The following SEMA6C variants were observed in gnomAD, a reference collection of about 807,000 sequenced individuals.
The protein encoded by SEMA6C is semaphorin-6C.
Under a neutral mutation model 72.9 loss-of-function variants are expected in SEMA6C, and 37 were observed. That is an observed-to-expected ratio of 0.51 (90% CI 0.39 to 0.67). The LOEUF (loss-of-function observed/expected upper bound fraction) is 0.67. Ranked by LOEUF, SEMA6C falls within the 30% of genes least tolerant of loss-of-function variation. The probability of loss-of-function intolerance (pLI) is 0.00; values close to 1 mark genes in which losing one functional copy is unlikely to be tolerated. For synonymous variants in SEMA6C, 578 were observed against 554.1 expected, an observed-to-expected ratio of 1.04 and a Z score of -0.61; for missense variants, 1,189 against 1,263.6, an observed-to-expected ratio of 0.94 and a Z score of 0.89.
In SEMA6C at chr1:151,136,496, A is replaced by G. The variant is rs200498855; in HGVS notation, c.1058T>C (p.Leu353Pro). ...AGACACAGGAGTCCAGGCCCCATCC[A>G]GACTCCTCTGCTCCTTGAACTTGCC... ...FEGKFKEQRS[L>P]DGAWTPVSED... The change falls in exon 12 of 19, where the codon CTG (leucine) becomes CCG (proline). Residue 353 changes from leucine (L) to proline (P), a missense_variant. Leu to Pro is a moderately conservative substitution (Grantham distance 98, BLOSUM62 -3). Around this residue, in one of 2 missense-constraint regions of SEMA6C, gnomAD observed 468 missense variants for 577.4 expected, o/e 0.81. Transcript: ENST00000368914. 1.1e-5 allele frequency: 17 copies of G among 1,613,968 alleles called. No homozygotes were observed. The highest frequency in any genetic ancestry group is 1.4e-5 in the Non-Finnish European group (16 of 1,180,022).
chr1:151,132,563 G>A lies in SEMA6C; in HGVS notation c.2714C>T (p.Pro905Leu). Residue 905 changes from proline to leucine, a missense_variant, in exon 19 of 19, where the codon CCC becomes CTC. By Grantham distance (98) the Pro-to-Leu change is moderately conservative. This residue lies in a region of SEMA6C where 721 missense variants were observed against 686.2 expected (regional missense o/e 1.05). Transcript: ENST00000368914. The stretch of plus-strand genomic sequence containing the variant: ...GAGGGGAGGCTTCAGGGACAACTGG[G>A]GCTTCTCGACGTCCACCCTTTTCAG... ...RALKRVDVEK[P>L]QLSLKPPLVG... 2 of 1,551,508 alleles carry A rather than the reference G, an allele frequency of 1.3e-6. No individual in the cohort carries two copies. Among genetic ancestry groups the A allele is most frequent in the Non-Finnish European group, 8.7e-7 (1 of 1,147,302 alleles).
rs1468348046 is a variant in SEMA6C at position 151,139,990 on chromosome 1, C to G, written c.219G>C (p.Leu73Phe). The G allele has an allele frequency of 6.2e-7, 1 of 1,614,130 alleles. No homozygotes were observed. The highest frequency in any genetic ancestry group is 1.3e-5 in the African/African-American group (1 of 75,046). Residue 73 changes from leucine to phenylalanine, a missense_variant, in exon 4 of 19, where the codon TTG becomes TTC. Transcript: ENST00000368914. ...GGCCAGTTTACCGGGCAGCCACTAGCAAGGTCCGGTTCAAGGTCAGGAATC... is the reference window on the plus strand; with the variant it reads ...GGCCAGTTTACCGGGCAGCCACTAGGAAGGTCCGGTTCAAGGTCAGGAATC... ...FQRFLTLNRT[L>F]LVAARDHVFS...
chr1:151,140,072 C>A lies in SEMA6C; in HGVS notation c.137G>T (p.Trp46Leu). The A allele has an allele frequency of 2.5e-6, 4 of 1,614,052 alleles. No individual in the cohort carries two copies. The highest frequency in any genetic ancestry group is 2.5e-6 in the Non-Finnish European group (3 of 1,179,982). The change falls in exon 4 of 19, where the codon TGG becomes TTG. Residue 46 changes from tryptophan to leucine, a missense_variant. This residue lies in a region of SEMA6C where 468 missense variants were observed against 577.4 expected (regional missense o/e 0.81). Coordinates refer to ENST00000368914, the MANE Select transcript of SEMA6C (RefSeq NM_030913.6). ...SDLQGTSPLS[W>L]FRGLEDDAVA... is the part of the protein sequence containing the mutation. ...AGCATCATCCTCCAGGCCCCGAAAC[C>A]AGGATAATGGGGAAGTACCTTGAGG... is the stretch of plus-strand genomic sequence containing the variant.
chr1:151,136,405 C>CA (rs763055162), intron 12 of SEMA6C, 43 bp downstream of exon 12: 2 of 1,600,520 alleles, frequency 1.2e-6, no homozygotes, highest in Admixed American at 1.8e-5. Flanking sequence ...GGGGCAGACG[C>CA]TGCTTGCTTC....
chr1:151,135,072 G>A (rs1409646424), intron 15 of SEMA6C, 91 bp downstream of exon 15: 4 of 1,556,186 alleles, frequency 2.6e-6, no homozygotes, highest in Non-Finnish European at 3.5e-6. Flanking sequence ...CATCCCCTGT[G>A]TTTTCCTGCC....
chr1:151,138,942 A>C (rs1682284041), intron 6 of SEMA6C, among the ~76,000 whole-genome samples: 1 of 152,056 alleles, frequency 6.6e-6, no homozygotes, highest in Non-Finnish European at 1.5e-5. Flanking sequence ...AAATACAAAA[A>C]ATTAGCTGGG....
At chr1:151,135,856 C>G in intron 13 of SEMA6C, 92 bp from the exon 14 acceptor site, 1 of 1,517,648 alleles carries the variant, frequency 6.6e-7, no homozygotes, top group Non-Finnish European at 9.0e-7. Context: ...TGTGCCTGTG[C>G]CCTTCCCCCA....
Position 151,132,012 on chromosome 1 carries a change from A to C in SEMA6C, c.*472T>G. The stretch of plus-strand genomic sequence containing the variant: ...GAGCGAGGGCGCCCAGAGCGAGCCG[A>C]CCGACTGCCGCCCTCCCCCGCCCGA... On this transcript the variant is annotated 3_prime_UTR_variant, in exon 19 of 19. Transcript: ENST00000368914. 1 of 340,598 alleles carries C rather than the reference A, an allele frequency of 2.9e-6. No individual in the cohort carries two copies. Among genetic ancestry groups the C allele is most frequent in the Non-Finnish European group, 5.5e-6 (1 of 182,776 alleles). The allele number at this position is 340,598 out of a possible 1,614,324, so 21.1% of individuals were successfully genotyped here.
Position 151,135,641 on chromosome 1 carries a change from C to T in SEMA6C, c.1383G>A (p.Gly461=), listed in dbSNP as rs779841482. 1 of 1,614,214 alleles carries T rather than the reference C, an allele frequency of 6.2e-7. No homozygotes were observed. The highest frequency in any genetic ancestry group is 8.5e-7 in the Non-Finnish European group (1 of 1,180,024). ...LKVLTPGGRS[G]GPEPILLEEI... Reference sequence around the variant, plus strand: ...CTTCCAGGAGGATGGGCTCAGGTCCCCCGGATCGCCCACCTGGGGTCAGCA... The same window carrying T: ...CTTCCAGGAGGATGGGCTCAGGTCCTCCGGATCGCCCACCTGGGGTCAGCA... The change falls in exon 14 of 19, where the codon GGG becomes GGA. Residue 461 remains glycine, a synonymous_variant. Coordinates refer to ENST00000368914, the MANE Select transcript of SEMA6C (RefSeq NM_030913.6).
chr1:151,136,293 G>T, intron 12 of SEMA6C, 130 bp from the exon 13 acceptor site: 1 of 1,471,002 alleles, frequency 6.8e-7, no homozygotes, highest in South Asian at 1.3e-5. Context: ...TCGTAGCACT[G>T]TCCCCTTCCC....
chr1:151,134,359 G>A (rs1172222175), intron 18 of SEMA6C, 42 bp downstream of exon 18: 2 of 1,534,326 alleles, frequency 1.3e-6, no homozygotes, highest in East Asian at 4.8e-5. Context: ...TCAGGTATGT[G>A]GGCTGAGCAA....
Position 151,132,370 on chromosome 1 carries a change from T to C in SEMA6C, c.*114A>G. On this transcript the variant is annotated 3_prime_UTR_variant, in exon 19 of 19. Transcript: ENST00000368914. The stretch of plus-strand genomic sequence containing the variant: ...AAGGGGCCTCGGGAGACTCTGCGAG[T>C]CGGGAAGGCTGGAGGTGCGGGGCGA... The C allele has an allele frequency of 5.2e-6, 8 of 1,531,598 alleles. No individual in the cohort carries two copies. Among genetic ancestry groups the C allele is most frequent in the Non-Finnish European group, 7.0e-6 (8 of 1,137,400 alleles). The allele number at this position is 1,531,598 out of a possible 1,614,324, so 94.9% of individuals were successfully genotyped here.
Position 151,141,730 on chromosome 1 carries a change from G to C in SEMA6C, c.118+774C>G, listed in dbSNP as rs587656643. ...CCCAGCTGACTTTTTTTTTTTAATC[G>C]GCTTTTTTTTTTTTTTTAAAGAGAT... On this transcript the variant is annotated intron_variant, in intron 3 of 18. Transcript: ENST00000368914. Among the ~76,000 whole-genome samples, 523 of 120,442 alleles carry C rather than the reference G, an allele frequency of 4.3e-3. 10 individuals are homozygous for C. Among genetic ancestry groups the C allele is most frequent in the African/African-American group, 0.015 (487 of 33,310 alleles). The allele number at this position is 120,442 out of a possible 152,430, so 79.0% of individuals were successfully genotyped here. A position where few individuals can be genotyped will look rare whatever the true frequency, so the allele number is the denominator to read the frequency against.
Position 151,135,650 on chromosome 1 carries a change from C to A in SEMA6C, c.1374G>T (p.Gly458=), listed in dbSNP as rs770217153. The change falls in exon 14 of 19, where the codon GGG becomes GGT. Residue 458 remains glycine (G), a synonymous_variant. Transcript: ENST00000368914. Reference sequence around the variant, plus strand: ...GGATGGGCTCAGGTCCCCCGGATCGCCCACCTGGGGTCAGCACCTTCAGCA... The same window carrying A: ...GGATGGGCTCAGGTCCCCCGGATCGACCACCTGGGGTCAGCACCTTCAGCA... ...GTVLKVLTPG[G]RSGGPEPILL... is the part of the protein sequence containing the mutation. 5.0e-6 allele frequency: 8 copies of A among 1,614,212 alleles called. No homozygotes were observed. The Admixed American group carries it at 1.3e-4, about 27-fold the overall frequency.
intron 1 of SEMA6C, chr1:151,144,890 G>C (rs1003901110): frequency 6.6e-6 from 1 of 152,312 alleles, no homozygotes; most frequent in African/African-American, 2.4e-5. Context: ...CTCCCTGAGA[G>C]AGCAGGCTGT....
chr1:151,136,743 C>G (rs1035918547), intron 11 of SEMA6C, 114 bp downstream of exon 11: 15 of 1,349,034 alleles, frequency 1.1e-5, no homozygotes, highest in Non-Finnish European at 1.6e-5. Flanking sequence ...ACACAGCAAA[C>G]TGGCTTTGTT....
intron 3 of SEMA6C, among the ~76,000 whole-genome samples, chr1:151,140,867 G>C (rs912768535): frequency 2.0e-5 from 3 of 151,966 alleles, no homozygotes; most frequent in Admixed American, 6.6e-5. Context: ...GCGTGGTGGC[G>C]GGCGCCTGTA....
chr1:151,136,904 C>T lies in SEMA6C; in HGVS notation c.927G>A (p.Leu309=), dbSNP rs146329132. 1 of 1,613,922 alleles carries T rather than the reference C, an allele frequency of 6.2e-7. No homozygotes were observed. Among genetic ancestry groups the T allele is most frequent in the African/African-American group, 1.3e-5 (1 of 74,898 alleles). The stretch of plus-strand genomic sequence containing the variant: ...CCCCAAAGAGAGCAGAGCGGCCATG[C>T]AGGTTCACAGGCCCAGTCAAGGCCT... ...VLQALTGPVN[L]HGRSALFGVF... is the part of the protein sequence containing the mutation. Residue 309 remains leucine, a synonymous_variant, in exon 11 of 19, where the codon CTG becomes CTA. Coordinates refer to ENST00000368914, the MANE Select transcript of SEMA6C (RefSeq NM_030913.6).
chr1:151,143,152 G>A (rs1682693781), intron 2 of SEMA6C, among the ~76,000 whole-genome samples: 1 of 152,204 alleles, frequency 6.6e-6, no homozygotes, highest in African/African-American at 2.4e-5. Flanking sequence ...CAGGCACTGC[G>A]CCTAGGCGGG....
Sources: gnomAD v4.1 joint callset for allele counts (sites outside exome capture counted in the v4.1 genomes callset) on GRCh38, gnomAD v4.1.1 for gene constraint, gnomAD v4.1.1 regional missense constraint, MANE v1.5 for transcripts, NCBI Gene and HGNC (gene_info 2026-07-23, HGNC 2026-07-21) for gene names.